The following CSGALNACT1 variants were observed in gnomAD, a reference collection of about 807,000 sequenced individuals.
CSGALNACT1 encodes chondroitin sulfate N-acetylgalactosaminyltransferase 1, also known as beta4GalNAcT-1.
In CSGALNACT1, 52 loss-of-function variants were observed where a neutral mutation model predicts 51.0. The observed-to-expected ratio is 1.02, with a 90% CI of 0.82 to 1.29. The LOEUF (loss-of-function observed/expected upper bound fraction) is 1.29, where lower values mean the gene tolerates loss of function less well. Among genes scored for constraint, CSGALNACT1 ranks in the 50% most tolerant of loss-of-function variants. The probability of loss-of-function intolerance (pLI) is 0.00; values close to 1 mark genes in which losing one functional copy is unlikely to be tolerated. For synonymous variants in CSGALNACT1, 341 were observed against 254.4 expected (o/e 1.34, Z -3.24); for missense variants, 935 against 679.2 (o/e 1.38, Z -4.19).
intron 1 of CSGALNACT1, among the ~76,000 whole-genome samples, chr8:19,682,091 T>C (rs887663384): frequency 3.3e-5 from 5 of 152,208 alleles, no homozygotes; most frequent in African/African-American, 1.2e-4. Flanking sequence ...CTGAGAATTC[T>C]ACATTGGAGC....
chr8:19,691,631 C>T (rs945191814), intron 1 of CSGALNACT1, among the ~76,000 whole-genome samples: 2 of 152,170 alleles, frequency 1.3e-5, no homozygotes, highest in Non-Finnish European at 2.9e-5. Context: ...GCCTAGGGGA[C>T]ATCGACAGCT....
chr8:19,499,122 A>C (rs1188946848), intron 4 of CSGALNACT1, among the ~76,000 whole-genome samples: 1 of 152,214 alleles, frequency 6.6e-6, no homozygotes, highest in Non-Finnish European at 1.5e-5. Flanking sequence ...CTCAAAAACA[A>C]ACAAACAAAC....
intron 3 of CSGALNACT1, among the ~76,000 whole-genome samples, chr8:19,520,257 T>C (rs1474729130): frequency 1.3e-5 from 2 of 152,172 alleles, no homozygotes; most frequent in Non-Finnish European, 2.9e-5. Context: ...CCAAGGCTTC[T>C]CTCTTTGTGC....
intron 1 of CSGALNACT1, among the ~76,000 whole-genome samples, chr8:19,714,387 T>C (rs2062685668): frequency 6.6e-6 from 1 of 152,108 alleles, no homozygotes; most frequent in South Asian, 2.1e-4. Flanking sequence ...GCCTCTCGGA[T>C]CTGTAATTTG....
chr8:19,408,497 T>TTTTTAGG, intron 9 of CSGALNACT1, 116 bp downstream of exon 8: 1 of 268,108 alleles, frequency 3.7e-6, no homozygotes, highest in South Asian at 4.3e-5. Context: ...TTTTTTTTTT[T>TTTTTAGG]GAAGGCAATG....
intron 1 of CSGALNACT1, among the ~76,000 whole-genome samples, chr8:19,648,532 A>T (rs73214673): frequency 0.047 from 7,123 of 152,308 alleles, 266 homozygotes; most frequent in South Asian, 0.1. Flanking sequence ...ACCTGGCTCG[A>T]CACTGTGGCT....
chr8:19,469,032 G>T (rs1453154033), intron 4 of CSGALNACT1, among the ~76,000 whole-genome samples: 2 of 152,122 alleles, frequency 1.3e-5, no homozygotes, highest in Non-Finnish European at 2.9e-5. Flanking sequence ...GAACCCAACA[G>T]ATAAGTGAGG....
At chr8:19,716,134 G>T (rs541260202) in intron 1 of CSGALNACT1, among the ~76,000 whole-genome samples, 3 of 151,948 alleles carry the variant, frequency 2.0e-5, no homozygotes, top group Non-Finnish European at 4.4e-5. Flanking sequence ...CAATAATCCC[G>T]CCCTTTCCTC....
At chr8:19,430,386 G>A (rs1029811759) in intron 6 of CSGALNACT1, among the ~76,000 whole-genome samples, 6 of 152,138 alleles carry the variant, frequency 3.9e-5, no homozygotes, top group Non-Finnish European at 8.8e-5. Flanking sequence ...TATAGTGGAT[G>A]TATACCTATC....
exon 1 of CSGALNACT1, chr8:19,602,093 T>A (rs923152875): frequency 6.7e-5 from 13 of 194,158 alleles, no homozygotes; most frequent in Admixed American, 1.8e-4. Flanking sequence ...GATAACCATG[T>A]CTAAAGGTGT....
At chr8:19,505,269 T>C in exon 4 of CSGALNACT1, 1 of 1,614,210 alleles carries the variant, frequency 6.2e-7, no homozygotes, top group Non-Finnish European at 8.5e-7. Flanking sequence ...GTTCAGGGTC[T>C]CCAAGGCTGA....
At chr8:19,753,410 G>T (rs947439115) in intron 1 of CSGALNACT1, among the ~76,000 whole-genome samples, 28 of 152,186 alleles carry the variant, frequency 1.8e-4, no homozygotes, top group African/African-American at 6.3e-4. Context: ...ATCAGAATTG[G>T]ATGTCTGATA....
intron 3 of CSGALNACT1, among the ~76,000 whole-genome samples, chr8:19,524,253 C>G (rs537203905): frequency 1.3e-4 from 20 of 152,184 alleles, no homozygotes; most frequent in African/African-American, 4.6e-4. Context: ...ACCATCTCAC[C>G]CCAGCCTGGG....
intron 1 of CSGALNACT1, among the ~76,000 whole-genome samples, chr8:19,620,147 T>C (rs2053624554): frequency 6.6e-6 from 1 of 151,870 alleles, no homozygotes; most frequent in African/African-American, 2.4e-5. Context: ...ACCCCGTCTC[T>C]ACTAAAAATA....
chr8:19,618,798 A>G (rs1391912461), intron 1 of CSGALNACT1, among the ~76,000 whole-genome samples: 1 of 152,150 alleles, frequency 6.6e-6, no homozygotes, highest in Non-Finnish European at 1.5e-5. Flanking sequence ...TTCTCCAGGC[A>G]CAGCTGCATC....
intron 6 of CSGALNACT1, among the ~76,000 whole-genome samples, chr8:19,431,060 G>A (rs747559362): frequency 1.1e-4 from 16 of 151,968 alleles, no homozygotes; most frequent in Non-Finnish European, 2.2e-4. Flanking sequence ...TTTGTTCTTA[G>A]CTCTAATAGT....
intron 1 of CSGALNACT1, among the ~76,000 whole-genome samples, chr8:19,649,832 A>AAAAACAAC (rs1410090692): frequency 1.4e-5 from 2 of 146,236 alleles, no homozygotes; most frequent in Admixed American, 1.5e-4. Flanking sequence ...AAAAAAAAAA[A>AAAAACAAC]AAAAAAAAAA....
chr8:19,743,533 A>G (rs1263458424), intron 1 of CSGALNACT1, among the ~76,000 whole-genome samples: 1 of 152,232 alleles, frequency 6.6e-6, no homozygotes, highest in East Asian at 1.9e-4. Context: ...AGCGATGCGA[A>G]TATACTTTTG....
At chr8:19,660,837 T>C (rs1423617950) in intron 1 of CSGALNACT1, among the ~76,000 whole-genome samples, 1 of 152,186 alleles carries the variant, frequency 6.6e-6, no homozygotes, top group Non-Finnish European at 1.5e-5. Flanking sequence ...ACAAGGTTCT[T>C]ACATGGGTGT....
Sources: gnomAD v4.1 joint callset for allele counts (sites outside exome capture counted in the v4.1 genomes callset) on GRCh38, gnomAD v4.1.1 for gene constraint, MANE v1.5 for transcripts, NCBI Gene and HGNC (gene_info 2026-07-23, HGNC 2026-07-21) for gene names.